Variants in KCNH7 observed in about 807,000 individuals in gnomAD.
KCNH7 encodes voltage-gated inwardly rectifying potassium channel KCNH7.
KCNH7 carries 49 observed loss-of-function variants against 120.8 expected under a neutral mutation model. The observed-to-expected ratio is 0.41, with a 90% CI of 0.32 to 0.51. The LOEUF (loss-of-function observed/expected upper bound fraction) is 0.51. Ranked by LOEUF, KCNH7 falls within the 20% of genes least tolerant of loss-of-function variation. The pLI, the probability that KCNH7 is intolerant of heterozygous loss-of-function variation, is 0.38. For synonymous variants in KCNH7, 547 were observed against 516.1 expected, an observed-to-expected ratio of 1.06 and a Z score of -0.81; for missense variants, 1,097 against 1,446.6, an observed-to-expected ratio of 0.76 and a Z score of 3.92.
chr2:162,418,223 C>T (rs889898023), intron 9 of KCNH7, among the ~76,000 whole-genome samples: 1 of 152,062 alleles, frequency 6.6e-6, no homozygotes, highest in African/African-American at 2.4e-5. Context: ...GTTGCCAGTC[C>T]TGTGGGTCAT....
intron 2 of KCNH7, among the ~76,000 whole-genome samples, chr2:162,793,436 C>A (rs1684029164): frequency 6.6e-6 from 1 of 151,354 alleles, no homozygotes; most frequent in African/African-American, 2.4e-5. Flanking sequence ...CACATGTACC[C>A]CTCAACTTAA....
chr2:162,670,878 T>A (rs1483492912), intron 2 of KCNH7, among the ~76,000 whole-genome samples: 1 of 151,602 alleles, frequency 6.6e-6, no homozygotes, highest in Non-Finnish European at 1.5e-5. Context: ...AAAAAGATTA[T>A]CAGACTAAGA....
intron 2 of KCNH7, among the ~76,000 whole-genome samples, chr2:162,651,924 T>C (rs1333067957): frequency 1.3e-5 from 2 of 152,202 alleles, no homozygotes; most frequent in African/African-American, 4.8e-5. Flanking sequence ...TATCTCATTG[T>C]GGTTTTGATT....
intron 2 of KCNH7, among the ~76,000 whole-genome samples, chr2:162,819,568 T>G (rs1685032551): frequency 6.6e-6 from 1 of 152,204 alleles, no homozygotes; most frequent in Non-Finnish European, 1.5e-5. Flanking sequence ...ACTAGTAAAT[T>G]TAGGTATATG....
intron 2 of KCNH7, among the ~76,000 whole-genome samples, chr2:162,759,597 G>A (rs938314268): frequency 6.6e-6 from 1 of 151,850 alleles, no homozygotes; most frequent in Admixed American, 6.6e-5. Context: ...ATGTTGATTG[G>A]AAATAAGTTG....
intron 2 of KCNH7, among the ~76,000 whole-genome samples, chr2:162,723,957 G>T (rs1208397035): frequency 1.3e-5 from 2 of 152,122 alleles, no homozygotes; most frequent in Non-Finnish European, 2.9e-5. Flanking sequence ...TAAAATTATT[G>T]GTTGAAAGAG....
chr2:162,406,177 A>G (rs1159726118), intron 9 of KCNH7, among the ~76,000 whole-genome samples: 2 of 151,978 alleles, frequency 1.3e-5, no homozygotes, highest in African/African-American at 2.4e-5. Context: ...TTCTGTTTGG[A>G]TAAGTGTCAA....
chr2:162,526,121 G>A (rs940764943), intron 3 of KCNH7, among the ~76,000 whole-genome samples: 6 of 151,824 alleles, frequency 4.0e-5, no homozygotes, highest in South Asian at 2.1e-4. Flanking sequence ...GGCAGGTTCC[G>A]TGATGCCCCC....
intron 2 of KCNH7, among the ~76,000 whole-genome samples, chr2:162,786,066 C>A (rs1046561053): frequency 2.6e-5 from 4 of 151,936 alleles, no homozygotes; most frequent in East Asian, 1.9e-4. Context: ...CATTGTGAAA[C>A]CCCATCTCTA....
chr2:162,831,425 A>T (rs959328373), intron 2 of KCNH7, among the ~76,000 whole-genome samples: 2 of 152,156 alleles, frequency 1.3e-5, no homozygotes, highest in African/African-American at 4.8e-5. Flanking sequence ...TATTTGAGAA[A>T]TATTTCTGAT....
chr2:162,739,951 T>C (rs973609422), intron 2 of KCNH7, among the ~76,000 whole-genome samples: 16 of 151,906 alleles, frequency 1.1e-4, no homozygotes, highest in Non-Finnish European at 1.5e-5. Context: ...GGAGAATTAA[T>C]TGGATTGCAG....
chr2:162,753,010 AAAGAAAAG>A (rs1688651024), intron 2 of KCNH7, among the ~76,000 whole-genome samples: 1 of 148,956 alleles, frequency 6.7e-6, no homozygotes, highest in Non-Finnish European at 1.5e-5. Context: ...AAAGAAAAGA[AAAGAAAAG>A]AAAAGAAAAG....
At chr2:162,796,259 C>T (rs1684142392) in intron 2 of KCNH7, 4 of 151,902 alleles carry the variant, frequency 2.6e-5, no homozygotes, top group Non-Finnish European at 5.9e-5. Flanking sequence ...ATGGCTTCCA[C>T]AATCTGAAAC....
At chr2:162,787,441 G>A (rs1306360719) in intron 2 of KCNH7, among the ~76,000 whole-genome samples, 1 of 152,100 alleles carries the variant, frequency 6.6e-6, no homozygotes, top group Non-Finnish European at 1.5e-5. Context: ...GACCAACCCG[G>A]TGCCAGGCCA....
intron 2 of KCNH7, among the ~76,000 whole-genome samples, chr2:162,753,304 C>T (rs987323282): frequency 2.6e-5 from 4 of 152,028 alleles, no homozygotes; most frequent in Non-Finnish European, 4.4e-5. Context: ...GGAAGATACT[C>T]ACATATAATT....
intron 4 of KCNH7, among the ~76,000 whole-genome samples, chr2:162,516,409 A>G (rs1160924930): frequency 6.6e-6 from 1 of 151,760 alleles, no homozygotes; most frequent in Non-Finnish European, 1.5e-5. Flanking sequence ...GTATTCCAGG[A>G]ATAACAAAGT....
intron 5 of KCNH7, among the ~76,000 whole-genome samples, chr2:162,507,353 A>T (rs1457610341): frequency 2.0e-5 from 3 of 151,704 alleles, no homozygotes; most frequent in Admixed American, 2.0e-4. Flanking sequence ...CTTCAAAAAT[A>T]TTTTATATAA....
intron 2 of KCNH7, among the ~76,000 whole-genome samples, chr2:162,716,643 A>G (rs1687133826): frequency 6.6e-6 from 1 of 152,138 alleles, no homozygotes; most frequent in Non-Finnish European, 1.5e-5. Context: ...AAGTGAAGAT[A>G]TCATTGACTA....
chr2:162,500,486 C>T (rs945191983), intron 6 of KCNH7, among the ~76,000 whole-genome samples: 2 of 151,586 alleles, frequency 1.3e-5, no homozygotes, highest in African/African-American at 4.8e-5. Flanking sequence ...AAGAAGATGA[C>T]TCTAACTGAG....
Sources: allele counts gnomAD v4.1 joint callset (sites outside exome capture counted in the v4.1 genomes callset), GRCh38; gene constraint gnomAD v4.1.1; transcripts MANE v1.5; gene names NCBI Gene and HGNC (gene_info 2026-07-23, HGNC 2026-07-21).